Variants in LRRC20 observed in about 807,000 individuals in gnomAD.
The protein encoded by LRRC20 is leucine-rich repeat-containing protein 20.
LRRC20 carries 11 observed loss-of-function variants against 14.4 expected under a neutral mutation model. That is an observed-to-expected ratio of 0.77 (90% CI 0.48 to 1.27). The LOEUF is 1.27. LRRC20 is among the 50% of genes most tolerant of loss of function. The pLI is 0.00. For synonymous variants in LRRC20, 121 were observed against 107.3 expected (o/e 1.13, Z -0.79); for missense variants, 219 against 251.2 (o/e 0.87, Z 0.87).
At chr10:70,371,268 G>A (rs910490043) in intron 2 of LRRC20, among the ~76,000 whole-genome samples, 2 of 151,800 alleles carry the variant, frequency 1.3e-5, no homozygotes, top group African/African-American at 2.4e-5. Context: ...TCCCAAAGTA[G>A]CTGACACTAC....
At chr10:70,302,749 C>T (rs1310838193) in intron 4 of LRRC20, among the ~76,000 whole-genome samples, 5 of 149,276 alleles carry the variant, frequency 3.3e-5, no homozygotes, top group African/African-American at 9.9e-5. Context: ...TTCGCTCTGT[C>T]GCCCAGGCTG....
chr10:70,302,945 C>G (rs1463962337), intron 4 of LRRC20, among the ~76,000 whole-genome samples: 1 of 151,762 alleles, frequency 6.6e-6, no homozygotes, highest in Non-Finnish European at 1.5e-5. Context: ...CTCCTGACCT[C>G]GTGATCCGCC....
intron 1 of LRRC20, among the ~76,000 whole-genome samples, chr10:70,378,767 C>T (rs1038111459): frequency 3.1e-5 from 3 of 95,922 alleles, no homozygotes; most frequent in African/African-American, 4.1e-5. Context: ...GAGTGAACCT[C>T]GCGCTCAAAA....
At position 70,340,045 on chromosome 10, in the gene LRRC20, T is replaced by C. The variant is rs1389699877; in HGVS notation, c.232+508A>G. On this transcript the variant is annotated intron_variant, in intron 3 of 4. Coordinates refer to ENST00000446961, the MANE Select transcript of LRRC20 (RefSeq NM_001278212.2). The stretch of plus-strand genomic sequence containing the variant: ...CTGAGGCAGGAGAATCGCTTGAACC[T>C]GGGAGGTGGAGGCTGCAGTGAGCCG... Among the ~76,000 whole-genome samples the C allele has an allele frequency of 2.7e-5, 4 of 150,460 alleles. 1 individual carries two copies.
chr10:70,311,932 C>T (rs79194103), intron 4 of LRRC20, among the ~76,000 whole-genome samples: 2,542 of 152,264 alleles, frequency 0.017, 96 homozygotes, highest in African/African-American at 0.058. Context: ...AGCTTGCCCC[C>T]GTCTCACTAA....
rs978440558 is a variant in LRRC20 at position 70,301,154 on chromosome 10, C to T, written c.*200G>A. On this transcript the variant is annotated 3_prime_UTR_variant, in exon 5 of 5. Transcript: ENST00000446961. ...TGCCGAGTCCAGGCTGCAGGCCCCA[C>T]CTTGCCTCTTCCCTTGGGCATTCCA... The T allele has an allele frequency of 7.2e-7, 1 of 1,379,840 alleles. No individual in the cohort carries two copies. Among genetic ancestry groups the T allele is most frequent in the Non-Finnish European group, 9.3e-7 (1 of 1,069,868 alleles). The allele number at this position is 1,379,840 out of a possible 1,614,324, so 85.5% of individuals were successfully genotyped here.
intron 4 of LRRC20, among the ~76,000 whole-genome samples, chr10:70,302,632 G>A (rs1342676177): frequency 6.6e-6 from 1 of 152,106 alleles, no homozygotes; most frequent in Non-Finnish European, 1.5e-5. Context: ...CAGCTAGTCA[G>A]GAGGCTGAGG....
At chr10:70,348,457 C>G (rs924618268) in intron 2 of LRRC20, among the ~76,000 whole-genome samples, 12 of 152,210 alleles carry the variant, frequency 7.9e-5, no homozygotes, top group African/African-American at 2.7e-4. Flanking sequence ...TAATAACAAC[C>G]ATAAACAACA....
At chr10:70,377,795 T>TCTG (rs1052029745) in intron 1 of LRRC20, among the ~76,000 whole-genome samples, 7 of 152,236 alleles carry the variant, frequency 4.6e-5, no homozygotes, top group African/African-American at 1.7e-4. Flanking sequence ...AGCCCACCCA[T>TCTG]CTGCTTCAGG....
intron 2 of LRRC20, among the ~76,000 whole-genome samples, chr10:70,351,760 A>G (rs1843320488): frequency 6.6e-6 from 1 of 152,180 alleles, no homozygotes. Flanking sequence ...GAGGAATGGG[A>G]GGGATGTCTA....
intron 3 of LRRC20, among the ~76,000 whole-genome samples, chr10:70,329,856 C>T (rs1842470154): frequency 1.3e-5 from 2 of 152,182 alleles, no homozygotes; most frequent in African/African-American, 4.8e-5. Flanking sequence ...TGAGCCACCT[C>T]GCCCAGCCTA....
chr10:70,311,189 G>A (rs1226934656), intron 4 of LRRC20, among the ~76,000 whole-genome samples: 1 of 138,476 alleles, frequency 7.2e-6, no homozygotes, highest in East Asian at 2.3e-4. Flanking sequence ...TCCTGTTCTT[G>A]TTGTTGGACA....
Position 70,324,013 on chromosome 10 carries a change from T to TC in LRRC20, c.249dup (p.Asn84GlufsTer20). 6.2e-7 allele frequency: 1 copy of TC among 1,613,746 alleles called. No homozygotes were observed. Among genetic ancestry groups the TC allele is most frequent in the Non-Finnish European group, 8.5e-7 (1 of 1,179,918 alleles). ...TCGCTGGGGAGGCGGTGTAGGAAGT[T>TC]CCCCTCCAGGTGGAGCTCTGCCACG... On this transcript the variant is annotated frameshift_variant, in exon 4 of 5. Coordinates refer to ENST00000446961, the MANE Select transcript of LRRC20 (RefSeq NM_001278212.2). LOFTEE classifies it high-confidence loss of function.
At chr10:70,329,964 T>C (rs1842473466) in intron 3 of LRRC20, among the ~76,000 whole-genome samples, 1 of 152,252 alleles carries the variant, frequency 6.6e-6, no homozygotes. Flanking sequence ...ACATGTCATA[T>C]ATTCTTCTTA....
At chr10:70,318,565 G>A (rs1489057334) in intron 4 of LRRC20, among the ~76,000 whole-genome samples, 2 of 152,014 alleles carry the variant, frequency 1.3e-5, no homozygotes, top group Non-Finnish European at 2.9e-5. Flanking sequence ...ACCAGTCTGG[G>A]CAACATGGCA....
At chr10:70,302,962 G>A (rs1304570386) in intron 4 of LRRC20, among the ~76,000 whole-genome samples, 23 of 151,654 alleles carry the variant, frequency 1.5e-4, no homozygotes, top group Admixed American at 9.9e-4. Context: ...CGCCCGTCTC[G>A]GCCTCCCAAA....
At chr10:70,325,535 T>A (rs895720145) in intron 3 of LRRC20, among the ~76,000 whole-genome samples, 5 of 152,166 alleles carry the variant, frequency 3.3e-5, no homozygotes, top group Non-Finnish European at 7.3e-5. Flanking sequence ...GGAGTGAGCC[T>A]CTTACCCACC....
At chr10:70,373,598 A>G (rs1844393255) in intron 2 of LRRC20, among the ~76,000 whole-genome samples, 1 of 152,216 alleles carries the variant, frequency 6.6e-6, no homozygotes, top group African/African-American at 2.4e-5. Context: ...TGGCCAATGC[A>G]CAGATGCAAA....
At chr10:70,344,849 G>A (rs77382299) in intron 2 of LRRC20, among the ~76,000 whole-genome samples, 2,173 of 152,264 alleles carry the variant, frequency 0.014, 56 homozygotes, top group African/African-American at 0.05. Flanking sequence ...TTATAGTCAC[G>A]AGCCACGGCA....
Sources: gnomAD v4.1 joint callset for allele counts (sites outside exome capture counted in the v4.1 genomes callset) on GRCh38, gnomAD v4.1.1 for gene constraint, MANE v1.5 for transcripts, NCBI Gene and HGNC (gene_info 2026-07-23, HGNC 2026-07-21) for gene names.